Variants in ANKFY1 observed in about 807,000 individuals in gnomAD.
ANKFY1 encodes the protein ankyrin repeat and FYVE domain containing 1.
A neutral mutation model predicts 128.3 loss-of-function variants in ANKFY1; 47 were observed. The ratio of observed to expected loss-of-function variants is 0.37; its 90% confidence interval spans 0.29 to 0.47. The LOEUF (loss-of-function observed/expected upper bound fraction) is 0.47, where lower values mean the gene tolerates loss of function less well. ANKFY1 is among the 20% of genes least tolerant of loss of function. The probability of loss-of-function intolerance (pLI) is 1.00; values close to 1 mark genes in which losing one functional copy is unlikely to be tolerated. For missense variants in ANKFY1, 1,222 were observed against 1,510.6 expected (o/e 0.81, Z 3.17); for synonymous variants, 553 against 601.6 (o/e 0.92, Z 1.18).
At chr17:4,218,168 A>G (rs1175465911) in intron 3 of ANKFY1, among the ~76,000 whole-genome samples, 1 of 152,248 alleles carries the variant, frequency 6.6e-6, no homozygotes, top group Non-Finnish European at 1.5e-5. Context: ...CAGACTAGCA[A>G]AGATTTTTTA....
intron 1 of ANKFY1, chr17:4,249,111 C>CA: frequency 2.0e-6 from 2 of 985,078 alleles, no homozygotes; most frequent in Non-Finnish European, 2.4e-6. Flanking sequence ...TTATATGGCA[C>CA]AGTCAGAAGA....
chr17:4,194,103 A>ATTTTT (rs796921017), intron 10 of ANKFY1, among the ~76,000 whole-genome samples: 6 of 108,160 alleles, frequency 5.5e-5, no homozygotes, highest in African/African-American at 2.9e-4. Context: ...ATATATATAT[A>ATTTTT]TTTTTTTTTT....
Position 4,174,140 on chromosome 17 carries a change from G to A in ANKFY1, c.2776-84C>T, listed in dbSNP as rs953498607. 2.3e-5 allele frequency: 34 copies of A among 1,502,128 alleles called. No individual in the cohort carries two copies. In the Admixed American group the frequency reaches 5.6e-4, roughly 25 times the overall value. The allele number at this position is 1,502,128 out of a possible 1,614,324, so 93.0% of individuals were successfully genotyped here. A position where few individuals can be genotyped will look rare whatever the true frequency, so the allele number is the denominator to read the frequency against. ...TGGGGGCCGAGCCTGCTTGTCTTCT[G>A]ACACCCACAGAGGCTGATGGCCTGC... On this transcript the variant is annotated intron_variant, in intron 19 of 24. Transcript: ENST00000341657.
chr17:4,186,736 C>A, intron 11 of ANKFY1: 4 of 865,470 alleles, frequency 4.6e-6, no homozygotes, highest in Non-Finnish European at 5.6e-6. Context: ...CTCCTCGGGG[C>A]TGTCTTCTGT....
chr17:4,168,009 C>T (rs1042782021), intron 24 of ANKFY1, 98 bp from the exon 25 acceptor site: 26 of 1,335,892 alleles, frequency 1.9e-5, no homozygotes, highest in African/African-American at 5.9e-5. Flanking sequence ...GCAGCCAAGG[C>T]GCCCGCAATG....
rs374519221 is a variant in ANKFY1 at position 4,221,055 on chromosome 17, A to G, written c.323-3937T>C. Among the ~76,000 whole-genome samples the G allele has an allele frequency of 5.3e-5, 8 of 152,324 alleles. No homozygotes were observed. In the East Asian group the frequency reaches 9.6e-4, roughly 18 times the overall value. On this transcript the variant is annotated intron_variant, in intron 3 of 24. Coordinates refer to ENST00000341657, the MANE Select transcript of ANKFY1 (RefSeq NM_001330063.2). ...TTCACTGCAGGCCAGGATGCATGTA[A>G]ATACACTTTGGAGACTTTAGGATTT...
At chr17:4,185,174 G>A (rs2059589034) in intron 11 of ANKFY1, 128 bp from the exon 12 acceptor site, 1 of 793,480 alleles carries the variant, frequency 1.3e-6, no homozygotes. Flanking sequence ...CCTGACTTCT[G>A]TTCTCTTTCT....
chr17:4,197,175 G>T (rs2059841322), intron 8 of ANKFY1, among the ~76,000 whole-genome samples, 198 bp downstream of exon 8: 2 of 152,144 alleles, frequency 1.3e-5, no homozygotes, highest in African/African-American at 2.4e-5. Context: ...AGTTACCCAG[G>T]ATAGAAATGT....
chr17:4,188,996 C>T (rs1439467845), intron 11 of ANKFY1: 8 of 180,746 alleles, frequency 4.4e-5, no homozygotes, highest in South Asian at 1.6e-4. Context: ...TGTTAGCGTG[C>T]GACATAGACT....
chr17:4,235,986 C>T (rs917517552), intron 2 of ANKFY1, 96 bp from the exon 3 acceptor site: 1 of 820,760 alleles, frequency 1.2e-6, no homozygotes, highest in Admixed American at 2.2e-5. Flanking sequence ...TATTCATCAA[C>T]ATACATCTGC....
chr17:4,247,431 A>G (rs149560632), intron 1 of ANKFY1, among the ~76,000 whole-genome samples: 123 of 152,322 alleles, frequency 8.1e-4, no homozygotes, highest in African/African-American at 2.8e-3. Context: ...GGGCTTTAGC[A>G]TGATTTGGGG....
chr17:4,191,249 G>A (rs1365838474), intron 10 of ANKFY1: 1 of 152,284 alleles, frequency 6.6e-6, no homozygotes, highest in Non-Finnish European at 1.5e-5. Flanking sequence ...GCTCTATACT[G>A]GAGACTCCTA....
intron 22 of ANKFY1, among the ~76,000 whole-genome samples, chr17:4,172,066 G>C (rs2059330854): frequency 6.6e-6 from 1 of 152,164 alleles, no homozygotes; most frequent in Non-Finnish European, 1.5e-5. Context: ...CCACACGAAT[G>C]AACACAGTGA....
rs868631855 is a variant in ANKFY1 at position 4,234,652 on chromosome 17, A to G, written c.322+1120T>C. Among the ~76,000 whole-genome samples, 182 of 152,122 alleles carry G rather than the reference A, an allele frequency of 1.2e-3. 1 individual carries two copies. The highest frequency in any genetic ancestry group is 4.2e-3 in the African/African-American group (176 of 41,516). On this transcript the variant is annotated intron_variant, in intron 3 of 24. Coordinates refer to ENST00000341657, the MANE Select transcript of ANKFY1 (RefSeq NM_001330063.2). ...CTCAGATTCCCAACAAGCTGGGACTACAAGCACATGCCATCCTGTCCAGCT... is the reference window on the plus strand; with the variant it reads ...CTCAGATTCCCAACAAGCTGGGACTGCAAGCACATGCCATCCTGTCCAGCT...
At chr17:4,196,453 A>T (rs2059826810) in intron 8 of ANKFY1, among the ~76,000 whole-genome samples, 1 of 152,224 alleles carries the variant, frequency 6.6e-6, no homozygotes, top group Admixed American at 6.5e-5. Flanking sequence ...AACTGTGGTC[A>T]GTGATTCAGG....
Position 4,222,960 on chromosome 17 carries a change from G to C in ANKFY1, c.323-5842C>G, listed in dbSNP as rs2060352866. The C allele has an allele frequency of 2.4e-6, 3 of 1,235,120 alleles. No individual in the cohort carries two copies. In the South Asian group the frequency reaches 3.6e-5, roughly 15 times the overall value. The allele number at this position is 1,235,120 out of a possible 1,614,324, so 76.5% of individuals were successfully genotyped here. A position where few individuals can be genotyped will look rare whatever the true frequency, so the allele number is the denominator to read the frequency against. On this transcript the variant is annotated intron_variant, in intron 3 of 24. Transcript: ENST00000341657. ...GATAGAGAAGAACGACTTGAGAAGT[G>C]TCACTCTTTTGGAGGCCAAAGCCAA...
At chr17:4,190,530 C>T (rs2059699157) in intron 10 of ANKFY1, among the ~76,000 whole-genome samples, 1 of 152,134 alleles carries the variant, frequency 6.6e-6, no homozygotes, top group African/African-American at 2.4e-5. Context: ...AACCACTTGG[C>T]TGGATGACCA....
chr17:4,185,158 GC>G (rs2059588682), intron 11 of ANKFY1, 112 bp from the exon 12 acceptor site: 2 of 885,042 alleles, frequency 2.3e-6, no homozygotes, highest in Admixed American at 2.0e-5. Flanking sequence ...GCCGCCAGCT[GC>G]CCCTCCTGAC....
intron 1 of ANKFY1, among the ~76,000 whole-genome samples, chr17:4,247,760 C>T (rs1389488182): frequency 6.6e-6 from 1 of 152,208 alleles, no homozygotes; most frequent in African/African-American, 2.4e-5. Flanking sequence ...TAGGGCCAGA[C>T]TGACTGGGAT....
Sources: gnomAD v4.1 joint callset for allele counts (sites outside exome capture counted in the v4.1 genomes callset) on GRCh38, gnomAD v4.1.1 for gene constraint, MANE v1.5 for transcripts, NCBI Gene and HGNC (gene_info 2026-07-23, HGNC 2026-07-21) for gene names.